CEACAM20: variants seen among roughly 807,000 people sequenced by gnomAD.
The protein encoded by CEACAM20 is cell adhesion molecule CEACAM20.
CEACAM20 carries 50 observed loss-of-function variants against 61.2 expected under a neutral mutation model. The observed-to-expected ratio is 0.82, with a 90% CI of 0.65 to 1.03. The LOEUF (loss-of-function observed/expected upper bound fraction) is 1.03. Ranked by LOEUF, CEACAM20 falls within the 50% of genes least tolerant of loss-of-function variation. CEACAM20 has a pLI of 0.00. For missense variants in CEACAM20, 683 were observed against 736.4 expected, an observed-to-expected ratio of 0.93 and a Z score of 0.84; for synonymous variants, 282 against 287.7, an observed-to-expected ratio of 0.98 and a Z score of 0.20.
intron 2 of CEACAM20, 103 bp from the exon 3 acceptor site, chr19:44,524,364 G>T: frequency 1.6e-6 from 2 of 1,266,854 alleles, no homozygotes; most frequent in Admixed American, 2.2e-5. Context: ...GATTGGAATT[G>T]CCAGAAGACT....
chr19:44,528,026 C>G (rs1971578717), intron 1 of CEACAM20, among the ~76,000 whole-genome samples: 2 of 151,998 alleles, frequency 1.3e-5, no homozygotes, highest in Admixed American at 1.3e-4. Flanking sequence ...AACTCTCTCC[C>G]CGCGTTTCTG....
chr19:44,529,431 C>A, intron 1 of CEACAM20, 27 bp downstream of exon 1: 1 of 1,609,208 alleles, frequency 6.2e-7, no homozygotes. Flanking sequence ...TCCCTCCTCC[C>A]GCATCTGAAG....
At chr19:44,513,021 AT>A in intron 7 of CEACAM20, 68 bp from the exon 8 acceptor site, 1 of 1,399,980 alleles carries the variant, frequency 7.1e-7, no homozygotes, top group Admixed American at 2.0e-5. Flanking sequence ...TTCTGCCCAT[AT>A]CCCATGTCCA....
chr19:44,513,091 C>T (rs1856707588), intron 7 of CEACAM20, 81 bp downstream of exon 7: 1 of 1,333,542 alleles, frequency 7.5e-7, no homozygotes, highest in Middle Eastern at 1.8e-4. Flanking sequence ...GACTCAGCAC[C>T]ATGGTCAGCA....
rs1289511975 is a variant in CEACAM20, at chr19:44,528,952, CTTTCTT to C, written c.52+500_52+505del. 5.0e-3 allele frequency among the ~76,000 whole-genome samples: 554 copies of C among 111,022 alleles called. 1 individual carries two copies. Among genetic ancestry groups the C allele is most frequent in the African/African-American group, 0.02 (533 of 26,828 alleles). The allele number at this position is 111,022 out of a possible 152,430, so 72.8% of individuals were successfully genotyped here. Reference sequence around the variant, plus strand: ...TGTTTATTTCTGTATTTCTCTCTTTCTTTCTTTTTTTTTTTTTTTTTTTTGAGACAG... The same window carrying C: ...TGTTTATTTCTGTATTTCTCTCTTTCTTTTTTTTTTTTTTTTTTGAGACAG... On this transcript the variant is annotated intron_variant, in intron 1 of 11. Coordinates refer to ENST00000614924, the MANE Select transcript of CEACAM20 (RefSeq NM_001102597.3).
rs71362697 is a variant in CEACAM20, at chr19:44,510,619, G to A, written c.1737+411C>T. On this transcript the variant is annotated intron_variant, in intron 11 of 11. Transcript: ENST00000614924. Reference sequence around the variant, plus strand: ...AAGAAAGAAAGAAAGAAAAAGGAAGGAAGGAAGAAAGAAAGAGAAGAAAGA... The same window carrying A: ...AAGAAAGAAAGAAAGAAAAAGGAAGAAAGGAAGAAAGAAAGAGAAGAAAGA... Among the ~76,000 whole-genome samples, 36 of 88,568 alleles carry A rather than the reference G, an allele frequency of 4.1e-4. 1 individual carries two copies. Among genetic ancestry groups the A allele is most frequent in the East Asian group, 1.7e-3 (5 of 2,924 alleles). 58.1% of individuals were successfully genotyped at this position (88,568 alleles called of 152,430 possible).
At position 44,517,049 on chromosome 19, in the gene CEACAM20, A is replaced by T. The variant is rs548747727; in HGVS notation, c.1206T>A (p.Ile402=). ...STGEHLGEQL[I]IRALTWEHDG... ...CGTGTTCCCAGGTCAGAGCCCTGATAATCAGCTGCTCACCCAGGTGCTCCC... is the reference window on the plus strand; with the variant it reads ...CGTGTTCCCAGGTCAGAGCCCTGATTATCAGCTGCTCACCCAGGTGCTCCC... The change falls in exon 6 of 12, where the codon ATT becomes ATA. Residue 402 remains isoleucine (I), a synonymous_variant. Transcript: ENST00000614924. The T allele has an allele frequency of 5.6e-6, 9 of 1,603,494 alleles. No individual in the cohort carries two copies. The highest frequency in any genetic ancestry group is 4.0e-5 in the African/African-American group (3 of 74,774).
chr19:44,520,071 C>G (rs1971306701), intron 5 of CEACAM20, among the ~76,000 whole-genome samples: 1 of 152,232 alleles, frequency 6.6e-6, no homozygotes. Flanking sequence ...GTTATCCTCA[C>G]AGGAGCATTT....
At chr19:44,511,543 A>T in intron 10 of CEACAM20, 94 bp downstream of exon 10, 1 of 1,266,050 alleles carries the variant, frequency 7.9e-7, no homozygotes, top group Non-Finnish European at 1.1e-6. Context: ...TGAAATGTTT[A>T]GACAAGATGA....
In CEACAM20 at chr19:44,511,278, G is replaced by A. The variant is rs1970991412; in HGVS notation, c.1612-123C>T. The stretch of plus-strand genomic sequence containing the variant: ...CTGTTCAGGTTCTTGCAGAGAATCA[G>A]AGGTGGAAGCAGGGTTAGAACCCAG... On this transcript the variant is annotated intron_variant, in intron 10 of 11. Coordinates refer to ENST00000614924, the MANE Select transcript of CEACAM20 (RefSeq NM_001102597.3). The A allele has an allele frequency of 1.4e-5, 19 of 1,379,080 alleles. No homozygotes were observed. The South Asian group carries it at 2.5e-4, about 18-fold the overall frequency. The allele number at this position is 1,379,080 out of a possible 1,614,324, so 85.4% of individuals were successfully genotyped here. A position where few individuals can be genotyped will look rare whatever the true frequency, so the allele number is the denominator to read the frequency against.
At chr19:44,506,691 G>A (rs1246284653) in intron 11 of CEACAM20, among the ~76,000 whole-genome samples, 2 of 152,170 alleles carry the variant, frequency 1.3e-5, no homozygotes, top group African/African-American at 4.8e-5. Context: ...AAGAAACTGA[G>A]GCCCTCATTA....
intron 11 of CEACAM20, among the ~76,000 whole-genome samples, chr19:44,510,663 A>G (rs1188774729): frequency 1.3e-5 from 2 of 152,092 alleles, no homozygotes; most frequent in Admixed American, 1.3e-4. Flanking sequence ...GGCATGGAAT[A>G]CAGTAGAGTG....
At chr19:44,528,956 C>CT (rs71171255) in intron 1 of CEACAM20, among the ~76,000 whole-genome samples, 9,100 of 92,370 alleles carry the variant, frequency 0.099, 670 homozygotes, top group African/African-American at 0.14. Context: ...CTCTTTCTTT[C>CT]TTTTTTTTTT....
At position 44,512,934 on chromosome 19, in the gene CEACAM20, C is replaced by T; in HGVS notation, c.1447G>A (p.Glu483Lys). 1 of 1,613,324 alleles carries T rather than the reference C, an allele frequency of 6.2e-7. No homozygotes were observed. Among genetic ancestry groups the T allele is most frequent in the Non-Finnish European group, 8.5e-7 (1 of 1,179,640 alleles). Residue 483 changes from glutamate to lysine, a missense_variant, in exon 8 of 12, where the codon GAG (glutamate) becomes AAG (lysine). Glu to Lys is a moderately conservative substitution (Grantham distance 56, BLOSUM62 1). Transcript: ENST00000614924. ...NARRPSRKTT[E>K]DPSHETSQPI... Reference sequence around the variant, plus strand: ...TGTGAGGTCTCATGACTGGGGTCCTCTGTTGTTTTCCTTGAGGGCCTGAAA... The same window carrying T: ...TGTGAGGTCTCATGACTGGGGTCCTTTGTTGTTTTCCTTGAGGGCCTGAAA...
rs10407804 is a variant in CEACAM20, at chr19:44,527,984, T to C, written c.52+1474A>G. Among the ~76,000 whole-genome samples the C allele has an allele frequency of 8.3e-3, 1,268 of 152,230 alleles. 23 individuals carry two copies. The highest frequency in any genetic ancestry group is 0.029 in the African/African-American group (1,208 of 41,540). On this transcript the variant is annotated intron_variant, in intron 1 of 11. Transcript: ENST00000614924. The stretch of plus-strand genomic sequence containing the variant: ...GGCACAGCCTCCCTCCACCTGTCTC[T>C]CATCTGCTTGTCTGAATCTCTGTGA...
In CEACAM20 at chr19:44,529,564, AC is replaced by A. The variant is rs1971652915; in HGVS notation, c.-56del. The A allele has an allele frequency of 1.3e-5, 20 of 1,531,494 alleles. No individual in the cohort carries two copies. In the South Asian group the frequency reaches 1.7e-4, roughly 13 times the overall value. 94.9% of individuals were successfully genotyped at this position (1,531,494 alleles called of 1,614,324 possible). On this transcript the variant is annotated 5_prime_UTR_variant, in exon 1 of 12. Transcript: ENST00000614924. ...GGCCGTCTGTCGCCCCGGCTTGCAC[AC>A]ACAGATACAGTCCTCACTCCAGGTG...
In CEACAM20 at chr19:44,522,640, C is replaced by T. The variant is rs1038061639; in HGVS notation, c.745G>A (p.Val249Ile). Reference protein sequence around the residue: ...LSSLGTLKVRVLETLTMPQVV... With the variant: ...LSSLGTLKVRILETLTMPQVV... Reference sequence around the variant, plus strand: ...ACCGGGAAAGGAGACTCACCAAGTACTCGGACCTTCAGAGTACCCAGGCTG... The same window carrying T: ...ACCGGGAAAGGAGACTCACCAAGTATTCGGACCTTCAGAGTACCCAGGCTG... Residue 249 changes from valine to isoleucine, a missense_variant, in exon 4 of 12, where the codon GTA becomes ATA. Val to Ile is a conservative substitution (Grantham distance 29). Coordinates refer to ENST00000614924, the MANE Select transcript of CEACAM20 (RefSeq NM_001102597.3). The T allele has an allele frequency of 6.2e-7, 1 of 1,612,740 alleles. No individual in the cohort carries two copies. The highest frequency in any genetic ancestry group is 1.3e-5 in the African/African-American group (1 of 74,892).
At chr19:44,509,364 A>T (rs1372238807) in intron 11 of CEACAM20, among the ~76,000 whole-genome samples, 1 of 124,532 alleles carries the variant, frequency 8.0e-6, no homozygotes, top group Non-Finnish European at 1.9e-5. Flanking sequence ...ACGAAATTAA[A>T]AAAAAAACAG....
chr19:44,523,933 C>A, intron 3 of CEACAM20, 53 bp downstream of exon 3: 1 of 1,506,374 alleles, frequency 6.6e-7, no homozygotes, highest in Non-Finnish European at 8.9e-7. Flanking sequence ...CTGAACGAGG[C>A]ACTAAGCAAG....
Sources: allele counts gnomAD v4.1 joint callset (sites outside exome capture counted in the v4.1 genomes callset), GRCh38; gene constraint gnomAD v4.1.1; transcripts MANE v1.5; gene names NCBI Gene and HGNC (gene_info 2026-07-23, HGNC 2026-07-21).